The following MTA3 variants were observed in gnomAD, a reference collection of about 807,000 sequenced individuals.
MTA3 encodes the protein metastasis-associated protein MTA3.
In MTA3, 34 loss-of-function variants were observed where a neutral mutation model predicts 83.5. The ratio of observed to expected loss-of-function variants is 0.41; its 90% CI spans 0.31 to 0.54. The LOEUF (loss-of-function observed/expected upper bound fraction) is 0.54, where lower values mean the gene tolerates loss of function less well. Among genes scored for constraint, MTA3 ranks in the 20% least tolerant of loss-of-function variants. MTA3 has a pLI of 0.33. For synonymous variants in MTA3, 303 were observed against 252.7 expected, an observed-to-expected ratio of 1.20 and a Z score of -1.89; for missense variants, 761 against 726.4, an observed-to-expected ratio of 1.05 and a Z score of -0.55.
At chr2:42,552,285 G>T (rs999241765) in intron 2 of MTA3, among the ~76,000 whole-genome samples, 2 of 152,188 alleles carry the variant, frequency 1.3e-5, no homozygotes, top group East Asian at 1.9e-4. Flanking sequence ...CAGCCGAGAA[G>T]TAAGGGGAGA....
At chr2:42,675,067 C>A (rs965857153) in intron 8 of MTA3, among the ~76,000 whole-genome samples, 2 of 152,128 alleles carry the variant, frequency 1.3e-5, no homozygotes, top group African/African-American at 4.8e-5. Context: ...GGATTACATG[C>A]CTGAGCCAAT....
intron 2 of MTA3, among the ~76,000 whole-genome samples, chr2:42,577,107 T>A (rs2374417): frequency 0.56 from 44,400 of 79,118 alleles, 13,720 homozygotes; most frequent in African/African-American, 0.67. Flanking sequence ...AAAAAAAAAA[T>A]ATATATATAT....
At chr2:42,530,232 G>T (rs1675896770) in intron 2 of MTA3, among the ~76,000 whole-genome samples, 2 of 151,478 alleles carry the variant, frequency 1.3e-5, no homozygotes, top group South Asian at 4.2e-4. Context: ...GCTCCTGCCT[G>T]TAATCCCAGC....
At chr2:42,674,596 CTTTTT>C (rs34154066) in intron 8 of MTA3, among the ~76,000 whole-genome samples, 16 of 114,280 alleles carry the variant, frequency 1.4e-4, no homozygotes, top group African/African-American at 3.8e-4. Context: ...TTTTCTTCTT[CTTTTT>C]TTTTTTTTTT....
At chr2:42,607,148 T>A (rs1266837281) in intron 3 of MTA3, among the ~76,000 whole-genome samples, 3 of 150,384 alleles carry the variant, frequency 2.0e-5, no homozygotes, top group Non-Finnish European at 4.4e-5. Flanking sequence ...TCTGAATGTT[T>A]CTTGAGGTTC....
intron 16 of MTA3, among the ~76,000 whole-genome samples, chr2:42,748,594 G>C (rs1020121013): frequency 6.6e-6 from 1 of 151,904 alleles, no homozygotes; most frequent in Admixed American, 6.6e-5. Context: ...CATTATATTC[G>C]TCTTTTTCTA....
chr2:42,602,214 C>T (rs903675247), intron 3 of MTA3, among the ~76,000 whole-genome samples: 1 of 152,000 alleles, frequency 6.6e-6, no homozygotes, highest in African/African-American at 2.4e-5. Context: ...TGGGCTCAAG[C>T]TGTCCACCTG....
At chr2:42,508,787 C>A (rs1674759871) in intron 2 of MTA3, among the ~76,000 whole-genome samples, 1 of 143,076 alleles carries the variant, frequency 7.0e-6, no homozygotes, top group African/African-American at 2.6e-5. Context: ...TTTAATATAT[C>A]ATAGATTAAA....
At chr2:42,708,169 G>C (rs932864421) in intron 13 of MTA3, 115 bp downstream of exon 13, 20 of 1,014,772 alleles carry the variant, frequency 2.0e-5, no homozygotes, top group Non-Finnish European at 2.6e-5. Context: ...TACCTTTATA[G>C]CTAAACGTAG....
At chr2:42,586,477 A>AACACACACACACACACACACAC (rs573814961) in intron 3 of MTA3, among the ~76,000 whole-genome samples, 1 of 72,698 alleles carries the variant, frequency 1.4e-5, no homozygotes. Flanking sequence ...AAGGAAGGAA[A>AACACACACACACACACACACAC]ACACACACAC....
intron 4 of MTA3, among the ~76,000 whole-genome samples, chr2:42,634,145 A>G (rs1175781231): frequency 7.9e-5 from 12 of 152,176 alleles, no homozygotes; most frequent in African/African-American, 2.9e-4. Context: ...AGCCTCCACA[A>G]CAAAAAATTA....
intron 2 of MTA3, among the ~76,000 whole-genome samples, chr2:42,518,224 C>A (rs2103686646): frequency 6.6e-6 from 1 of 152,150 alleles, no homozygotes; most frequent in Admixed American, 6.6e-5. Context: ...GTTGCATGCA[C>A]TAAGCACCCA....
At chr2:42,532,459 A>G (rs1410237475) in intron 2 of MTA3, among the ~76,000 whole-genome samples, 1 of 152,174 alleles carries the variant, frequency 6.6e-6, no homozygotes, top group Non-Finnish European at 1.5e-5. Context: ...GCAGTGAGCC[A>G]AGACTGCGCC....
At chr2:42,588,561 A>G (rs895152274) in intron 3 of MTA3, among the ~76,000 whole-genome samples, 5 of 152,208 alleles carry the variant, frequency 3.3e-5, no homozygotes, top group African/African-American at 1.2e-4. Context: ...ACCAGCAGAC[A>G]TGGAAGAGAT....
At position 42,754,317 on chromosome 2, in the gene MTA3, G is replaced by T; in HGVS notation, c.*918G>T. The T allele has an allele frequency of 3.0e-6, 3 of 985,470 alleles. No homozygotes were observed. Among genetic ancestry groups the T allele is most frequent in the Non-Finnish European group, 3.6e-6 (3 of 829,958 alleles). 61.0% of individuals were successfully genotyped at this position (985,470 alleles called of 1,614,324 possible). On this transcript the variant is annotated 3_prime_UTR_variant, in exon 17 of 17. Coordinates refer to ENST00000405094, the MANE Select transcript of MTA3 (RefSeq NM_001330442.2). ...GCAGACAGACTCTGTTTGGCCTAGA[G>T]GTGTGGAGTGAGAGAACTGTGTTTG...
At position 42,713,349 on chromosome 2, in the gene MTA3, AAAGTT is replaced by A. The variant is rs1209318227; in HGVS notation, c.1525+4256_1525+4260del. On this transcript the variant is annotated intron_variant, in intron 14 of 16. Transcript: ENST00000405094. ...AGATTTTTCTAGAGATTTCTCAGCT[AAAGTT>A]AATGAGTATAAGCTTTTCTGAAATT... Among the ~76,000 whole-genome samples the A allele has an allele frequency of 3.9e-5, 3 of 76,014 alleles. No homozygotes were observed. In the African/African-American group the frequency reaches 4.2e-4, roughly 11 times the overall value. The allele number at this position is 76,014 out of a possible 152,430, so 49.9% of individuals were successfully genotyped here.
chr2:42,751,330 A>G (rs1558643947), intron 16 of MTA3, among the ~76,000 whole-genome samples: 1 of 152,240 alleles, frequency 6.6e-6, no homozygotes, highest in Non-Finnish European at 1.5e-5. Context: ...AATACATTTG[A>G]GAATAAATAA....
intron 4 of MTA3, among the ~76,000 whole-genome samples, chr2:42,625,400 T>A (rs115553120): frequency 6.6e-6 from 1 of 151,862 alleles, no homozygotes; most frequent in African/African-American, 2.4e-5. Context: ...GCTAAATCTT[T>A]GATTTTTCTA....
At chr2:42,745,476 A>G (rs972876346) in intron 16 of MTA3, among the ~76,000 whole-genome samples, 1 of 152,216 alleles carries the variant, frequency 6.6e-6, no homozygotes, top group Non-Finnish European at 1.5e-5. Flanking sequence ...GTTTCTCTAT[A>G]GCTTATCATC....
Sources: allele counts gnomAD v4.1 joint callset (sites outside exome capture counted in the v4.1 genomes callset), GRCh38; gene constraint gnomAD v4.1.1; transcripts MANE v1.5; gene names NCBI Gene and HGNC (gene_info 2026-07-23, HGNC 2026-07-21).